SYCP2: variants seen among roughly 807,000 people sequenced by gnomAD.
SYCP2 encodes the protein synaptonemal complex lateral element protein.
A neutral mutation model predicts 211.3 loss-of-function variants in SYCP2; 55 were observed. The ratio of observed to expected loss-of-function variants is 0.26; its 90% CI spans 0.21 to 0.33. SYCP2 has a LOEUF of 0.33. Ranked by LOEUF, SYCP2 falls within the 10% of genes least tolerant of loss-of-function variation. The pLI, the probability that SYCP2 is intolerant of heterozygous loss-of-function variation, is 1.00. For synonymous variants in SYCP2, 570 were observed against 555.2 expected (o/e 1.03, Z -0.37); for missense variants, 1,731 against 1,752.0 (o/e 0.99, Z 0.21).
At chr20:59,873,698 ATC>A (rs1177192472) in intron 35 of SYCP2, among the ~76,000 whole-genome samples, 156 bp downstream of exon 35, 1 of 152,076 alleles carries the variant, frequency 6.6e-6, no homozygotes, top group Non-Finnish European at 1.5e-5. Context: ...ACTGGCAAGT[ATC>A]TCTCTCTTGT....
intron 24 of SYCP2, among the ~76,000 whole-genome samples, chr20:59,890,127 T>C (rs911015687): frequency 6.6e-6 from 1 of 152,040 alleles, no homozygotes; most frequent in Non-Finnish European, 1.5e-5. Flanking sequence ...CTATTCACAA[T>C]AGCAAAGACT....
Position 59,864,303 on chromosome 20 carries a change from A to T in SYCP2, c.*8T>A. ...AATTAGATAAAGTATGGTGATAAAA[A>T]CTAGATTTCACACATTAGCATTTCT... On this transcript the variant is annotated 3_prime_UTR_variant, in exon 45 of 45. Transcript: ENST00000357552. 1 of 1,571,234 alleles carries T rather than the reference A, an allele frequency of 6.4e-7. No homozygotes were observed. The highest frequency in any genetic ancestry group is 2.3e-5 in the East Asian group (1 of 44,342).
intron 33 of SYCP2, among the ~76,000 whole-genome samples, chr20:59,875,920 G>T (rs1046079349): frequency 1.3e-5 from 2 of 151,986 alleles, no homozygotes; most frequent in Non-Finnish European, 1.5e-5. Flanking sequence ...CACAGTTCTG[G>T]GCATACACTG....
chr20:59,919,160 T>A lies in SYCP2; in HGVS notation c.425A>T (p.Glu142Val). The change falls in exon 7 of 45, where the codon GAA (glutamate) becomes GTA (valine). Residue 142 changes from glutamate (E) to valine (V), a missense_variant and splice_region_variant. Transcript: ENST00000357552. ...LLLVIHDVSD[E>V]GKKQVVESFV... is the part of the protein sequence containing the mutation. ...TAGAAAATAAGTGTTTATTATACCT[T>A]CATCACTGACATCATGTATGACCTG... The A allele has an allele frequency of 7.9e-7, 1 of 1,272,414 alleles. No individual in the cohort carries two copies. The highest frequency in any genetic ancestry group is 1.1e-6 in the Non-Finnish European group (1 of 892,978). 78.8% of individuals were successfully genotyped at this position (1,272,414 alleles called of 1,614,324 possible).
intron 26 of SYCP2, among the ~76,000 whole-genome samples, chr20:59,883,112 G>T (rs1273097526): frequency 1.3e-5 from 2 of 152,118 alleles, no homozygotes; most frequent in African/African-American, 4.8e-5. Context: ...ACTTTGGGAG[G>T]CCAAGGTGGG....
intron 30 of SYCP2, 97 bp downstream of exon 30, chr20:59,880,865 ACAAT>A (rs1020905128): frequency 1.7e-6 from 1 of 590,920 alleles, no homozygotes; most frequent in African/African-American, 1.9e-5. Flanking sequence ...CATAAATAAA[ACAAT>A]CAAAATGTTT....
At chr20:59,921,607 A>C in intron 3 of SYCP2, 154 bp from the exon 4 acceptor site, 1 of 420,920 alleles carries the variant, frequency 2.4e-6, no homozygotes, top group East Asian at 3.8e-5. Flanking sequence ...GGCCACTATT[A>C]AATTTGGAAC....
rs764193710 is a variant in SYCP2 at position 59,875,411 on chromosome 20, A to C, written c.3209T>G (p.Val1070Gly). 10 of 1,612,864 alleles carry C rather than the reference A, an allele frequency of 6.2e-6. No homozygotes were observed. Among genetic ancestry groups the C allele is most frequent in the Non-Finnish European group, 8.5e-6 (10 of 1,179,354 alleles). ...TTCCTTTTCTGTTTCAGCACAGAAG[A>C]CTTTCTGTTGTTTCTTTGGTAGCTT... ...TVKLPKKQQKVFCAETEKELS... is the reference protein window; with the variant it reads ...TVKLPKKQQKGFCAETEKELS... The change falls in exon 34 of 45, where the codon GTC becomes GGC. Residue 1070 changes from valine (V) to glycine (G), a missense_variant. Physicochemically the swap from Val to Gly is moderately radical, Grantham distance 109 (BLOSUM62 -3). Coordinates refer to ENST00000357552, the MANE Select transcript of SYCP2 (RefSeq NM_014258.4).
chr20:59,866,600 C>G lies in SYCP2; in HGVS notation c.4126-11G>C. 2 of 1,553,442 alleles carry G rather than the reference C, an allele frequency of 1.3e-6. No individual in the cohort carries two copies. The highest frequency in any genetic ancestry group is 1.7e-6 in the Non-Finnish European group (2 of 1,145,320). ...CATTTTATGTCGGATCTGAAAAATA[C>G]TCATTTTTAAGTTAAAATATCTTTA... On this transcript the variant is annotated splice_polypyrimidine_tract_variant and intron_variant, in intron 39 of 44. Transcript: ENST00000357552.
At chr20:59,890,905 G>A (rs1024578384) in intron 24 of SYCP2, among the ~76,000 whole-genome samples, 5 of 151,902 alleles carry the variant, frequency 3.3e-5, no homozygotes, top group African/African-American at 1.2e-4. Context: ...GTAAATAGCA[G>A]CTAAGATGAG....
intron 2 of SYCP2, among the ~76,000 whole-genome samples, chr20:59,929,684 G>A (rs1303278881): frequency 2.0e-5 from 3 of 151,918 alleles, no homozygotes; most frequent in African/African-American, 7.3e-5. Flanking sequence ...CTTAATAAAG[G>A]CTTATATGCA....
At chr20:59,898,390 T>TA (rs542383848) in intron 18 of SYCP2, among the ~76,000 whole-genome samples, 81 of 152,174 alleles carry the variant, frequency 5.3e-4, no homozygotes, top group African/African-American at 1.9e-3. Flanking sequence ...TATGCAGCCA[T>TA]AAAAAGGATG....
At chr20:59,881,804 T>C (rs2059688630) in intron 28 of SYCP2, 141 bp downstream of exon 28, 2 of 570,770 alleles carry the variant, frequency 3.5e-6, no homozygotes, top group Non-Finnish European at 5.6e-6. Context: ...CGTAGGCTGG[T>C]TATCCAAAAT....
intron 24 of SYCP2, among the ~76,000 whole-genome samples, chr20:59,890,256 G>A (rs1264113179): frequency 1.3e-5 from 2 of 152,120 alleles, no homozygotes; most frequent in Non-Finnish European, 2.9e-5. Flanking sequence ...CTGGCACATA[G>A]ATGAAGCTGG....
In SYCP2 at chr20:59,914,044, A is replaced by G. The variant is rs756920395; in HGVS notation, c.778-17T>C. The G allele has an allele frequency of 1.3e-5, 21 of 1,582,590 alleles. No individual in the cohort carries two copies. The highest frequency in any genetic ancestry group is 5.8e-5 in the South Asian group (5 of 86,250). ...CCTGCAATCCTAATTTTAAAGAGAA[A>G]TACTTTTAAAAATCATAATAATTTT... On this transcript the variant is annotated splice_polypyrimidine_tract_variant and intron_variant, in intron 11 of 44. Transcript: ENST00000357552.
intron 2 of SYCP2, among the ~76,000 whole-genome samples, chr20:59,924,788 G>T (rs983758418): frequency 6.6e-6 from 1 of 151,916 alleles, no homozygotes; most frequent in Non-Finnish European, 1.5e-5. Flanking sequence ...ATTACTGTTG[G>T]ATTTACCATA....
intron 31 of SYCP2, among the ~76,000 whole-genome samples, chr20:59,879,557 T>C (rs1249370496): frequency 1.3e-5 from 2 of 151,666 alleles, no homozygotes; most frequent in South Asian, 2.1e-4. Flanking sequence ...AACATTGAAA[T>C]TGATGTTCAG....
chr20:59,865,486 A>G (rs769595430), intron 43 of SYCP2, 42 bp from the exon 44 acceptor site: 6 of 1,590,766 alleles, frequency 3.8e-6, no homozygotes, highest in East Asian at 2.2e-5. Context: ...AATTTACCAT[A>G]AAGTTTTCAC....
chr20:59,901,683 A>C lies in SYCP2; in HGVS notation c.1161T>G (p.Ile387Met). The C allele has an allele frequency of 6.3e-7, 1 of 1,581,584 alleles. No individual in the cohort carries two copies. The highest frequency in any genetic ancestry group is 1.2e-5 in the South Asian group (1 of 85,814). ...TTACCCTATGTTTAGTTGCACCAAA[A>C]ATTTTTTGAGTTACATTAGTGATTT... Reference protein sequence around the residue: ...SLEITNVTQKIFGATKHRESI... With the variant: ...SLEITNVTQKMFGATKHRESI... The change falls in exon 16 of 45, where the codon ATT (isoleucine) becomes ATG (methionine). Residue 387 changes from isoleucine (I) to methionine (M), a missense_variant. Coordinates refer to ENST00000357552, the MANE Select transcript of SYCP2 (RefSeq NM_014258.4).
Sources: allele counts gnomAD v4.1 joint callset (sites outside exome capture counted in the v4.1 genomes callset), GRCh38; gene constraint gnomAD v4.1.1; transcripts MANE v1.5; gene names NCBI Gene and HGNC (gene_info 2026-07-23, HGNC 2026-07-21).